Variants in ANKRD36 observed in about 807,000 individuals in gnomAD.
ANKRD36 encodes the protein ankyrin repeat domain 36, also known as ankyrin repeat domain-containing protein 36A.
In ANKRD36, 179 loss-of-function variants were observed where a neutral mutation model predicts 278.1. The ratio of observed to expected loss-of-function variants is 0.64; its 90% CI spans 0.57 to 0.73. The LOEUF (loss-of-function observed/expected upper bound fraction) is 0.73, where lower values mean the gene tolerates loss of function less well. Among genes scored for constraint, ANKRD36 ranks in the 30% least tolerant of loss-of-function variants. The pLI, the probability that ANKRD36 is intolerant of heterozygous loss-of-function variation, is 0.00. For synonymous variants in ANKRD36, 320 were observed against 641.1 expected (o/e 0.50, Z 7.57); for missense variants, 1,159 against 1,956.7 (o/e 0.59, Z 7.69).
intron 67 of ANKRD36, among the ~76,000 whole-genome samples, chr2:97,230,022 G>C (rs546422318): frequency 6.6e-6 from 1 of 152,076 alleles, no homozygotes; most frequent in Non-Finnish European, 1.5e-5. Flanking sequence ...TAGTCTGATG[G>C]GCTTCCCTTT....
At chr2:97,125,689 T>C (rs1048446547) in intron 5 of ANKRD36, among the ~76,000 whole-genome samples, 1 of 151,516 alleles carries the variant, frequency 6.6e-6, no homozygotes, top group Non-Finnish European at 1.5e-5. Context: ...CAACTTGTGG[T>C]TGGCCCCTCA....
At chr2:97,215,565 A>G in intron 62 of ANKRD36, 68 bp downstream of exon 62, 2 of 1,594,008 alleles carry the variant, frequency 1.3e-6, no homozygotes, top group East Asian at 2.3e-5. Context: ...CCCTAAATAA[A>G]TCAGCGGGGG....
Position 97,152,255 on chromosome 2 carries a change from G to T in ANKRD36, c.1163-249G>T, listed in dbSNP as rs112694961. Among the ~76,000 whole-genome samples, 8 of 120,670 alleles carry T rather than the reference G, an allele frequency of 6.6e-5. 1 individual carries two copies. Among genetic ancestry groups the T allele is most frequent in the Non-Finnish European group, 1.5e-4 (8 of 54,678 alleles). The allele number at this position is 120,670 out of a possible 152,430, so 79.2% of individuals were successfully genotyped here. On this transcript the variant is annotated intron_variant, in intron 13 of 75. Transcript: ENST00000420699. Reference sequence around the variant, plus strand: ...TGATTCCCCTGCCTAGGCCTCCCAAGCTGCTAGGATTACAGGCATGACCCA... The same window carrying T: ...TGATTCCCCTGCCTAGGCCTCCCAATCTGCTAGGATTACAGGCATGACCCA...
intron 67 of ANKRD36, 32 bp from the exon 68 acceptor site, chr2:97,233,698 G>A (rs1477975790): frequency 7.0e-7 from 1 of 1,436,794 alleles, no homozygotes; most frequent in East Asian, 2.6e-5. Context: ...ATATTTTGGG[G>A]ACATTTTGAA....
chr2:97,118,328 G>T lies in ANKRD36; in HGVS notation c.313-16G>T. ...ATTTTTCAGTATTTGCATGTTTCTC[G>T]GTCTAATACTGACAGGCTGTACAAC... On this transcript the variant is annotated splice_polypyrimidine_tract_variant and intron_variant, in intron 2 of 75. Transcript: ENST00000420699. 3 of 1,610,042 alleles carry T rather than the reference G, an allele frequency of 1.9e-6. No homozygotes were observed. Among genetic ancestry groups the T allele is most frequent in the African/African-American group, 1.3e-5 (1 of 74,830 alleles).
chr2:97,188,657 A>G (rs1476897904), intron 32 of ANKRD36, among the ~76,000 whole-genome samples: 1 of 89,962 alleles, frequency 1.1e-5, no homozygotes, highest in Admixed American at 9.8e-5. Flanking sequence ...GGGCAAGTTA[A>G]AGAGCATGAT....
intron 54 of ANKRD36, among the ~76,000 whole-genome samples, chr2:97,209,091 A>G (rs1370234595): frequency 6.8e-6 from 1 of 146,578 alleles, no homozygotes; most frequent in Non-Finnish European, 1.5e-5. Context: ...AAATTATTAC[A>G]CTACATGGGT....
chr2:97,209,651 G>A (rs760828276), intron 54 of ANKRD36, 30 bp from the exon 55 acceptor site: 4 of 1,583,232 alleles, frequency 2.5e-6, no homozygotes, highest in Non-Finnish European at 3.4e-6. Context: ...ATTTACATGT[G>A]AGTGATTATG....
intron 6 of ANKRD36, among the ~76,000 whole-genome samples, chr2:97,138,305 A>G (rs554189360): frequency 7.9e-5 from 12 of 152,126 alleles, no homozygotes; most frequent in Non-Finnish European, 1.5e-4. Flanking sequence ...CCAGTAATAG[A>G]GCACTAAATC....
rs1356708345 is a variant in ANKRD36 at position 97,156,310 on chromosome 2, G to A, written c.1260+1569G>A. ...ATGTATACATGTGCCATGCTGGTGC[G>A]CTGCACCCACTAACTCGTCATCTAG... On this transcript the variant is annotated intron_variant, in intron 15 of 75. Coordinates refer to ENST00000420699, the MANE Select transcript of ANKRD36 (RefSeq NM_001354587.1). Among the ~76,000 whole-genome samples the A allele has an allele frequency of 1.2e-4, 18 of 144,820 alleles. 3 individuals carry two copies. Among genetic ancestry groups the A allele is most frequent in the Non-Finnish European group, 2.8e-4 (18 of 64,094 alleles).
chr2:97,115,879 C>G (rs1038680539), intron 1 of ANKRD36, among the ~76,000 whole-genome samples: 5 of 149,476 alleles, frequency 3.3e-5, no homozygotes, highest in Non-Finnish European at 5.9e-5. Context: ...TTGGAAAACC[C>G]CTTATAATGG....
In ANKRD36 at chr2:97,198,646, A is replaced by G; in HGVS notation, c.2743A>G (p.Lys915Glu). 1 of 1,543,000 alleles carries G rather than the reference A, an allele frequency of 6.5e-7. No homozygotes were observed. The highest frequency in any genetic ancestry group is 1.2e-5 in the South Asian group (1 of 83,670). The change falls in exon 44 of 76, where the codon AAA becomes GAA. Residue 915 changes from lysine to glutamate, a missense_variant. Physicochemically the swap from Lys to Glu is moderately conservative, Grantham distance 56 (BLOSUM62 1). Coordinates refer to ENST00000420699, the MANE Select transcript of ANKRD36 (RefSeq NM_001354587.1). The part of the protein sequence containing the change: ...NIARGKKDGE[K>E]TKRVSSRKKP... ...AGCCAGAGGAAAAAAGGATGGAGAA[A>G]AAACTAAGAGAGGTAATTTTGAAAA... is the stretch of plus-strand genomic sequence containing the variant.
rs1463570254 is a variant in ANKRD36 at position 97,136,740 on chromosome 2, G to A, written c.800-5900G>A. Among the ~76,000 whole-genome samples, 3 of 151,978 alleles carry A rather than the reference G, an allele frequency of 2.0e-5. No individual in the cohort carries two copies. In the East Asian group the frequency reaches 5.8e-4, roughly 29 times the overall value. ...TGAATATGTGTTTTCTACACATACAGCAGATAAGGGGGACTGCTGTTCTAG... is the reference window on the plus strand; with the variant it reads ...TGAATATGTGTTTTCTACACATACAACAGATAAGGGGGACTGCTGTTCTAG... On this transcript the variant is annotated intron_variant, in intron 6 of 75. Coordinates refer to ENST00000420699, the MANE Select transcript of ANKRD36 (RefSeq NM_001354587.1).
chr2:97,213,146 A>C (rs528879364), intron 58 of ANKRD36: 1 of 356,476 alleles, frequency 2.8e-6, no homozygotes, highest in Non-Finnish European at 5.1e-6. Context: ...ATCACTTGGC[A>C]TATCCACATT....
intron 50 of ANKRD36, among the ~76,000 whole-genome samples, chr2:97,205,474 G>A (rs545055959): frequency 3.3e-5 from 5 of 151,298 alleles, no homozygotes; most frequent in Non-Finnish European, 5.9e-5. Context: ...AAGCATCATC[G>A]CAGTTGTGTG....
intron 42 of ANKRD36, among the ~76,000 whole-genome samples, chr2:97,197,409 G>T (rs1196707134): frequency 6.6e-6 from 1 of 151,924 alleles, no homozygotes; most frequent in East Asian, 1.9e-4. Context: ...AACCATTCTG[G>T]GATTGGCATA....
At chr2:97,190,724 G>A (rs62154807) in intron 34 of ANKRD36, among the ~76,000 whole-genome samples, 84,184 of 151,108 alleles carry the variant, frequency 0.56, 29,248 homozygotes, top group Non-Finnish European at 0.78. Flanking sequence ...ATATTGACAC[G>A]GTTTTATTTT....
chr2:97,229,538 C>G (rs1335490116), intron 67 of ANKRD36, among the ~76,000 whole-genome samples: 2 of 152,180 alleles, frequency 1.3e-5, no homozygotes, highest in East Asian at 3.9e-4. Flanking sequence ...TGTCTCTGCA[C>G]GTGAGATGGG....
chr2:97,165,494 C>A (rs76957124), intron 20 of ANKRD36, among the ~76,000 whole-genome samples: 1 of 84,948 alleles, frequency 1.2e-5, no homozygotes, highest in Non-Finnish European at 2.5e-5. Flanking sequence ...TCAGATACCC[C>A]GAGTATAGCT....
Sources: gnomAD v4.1 joint callset for allele counts (sites outside exome capture counted in the v4.1 genomes callset) on GRCh38, gnomAD v4.1.1 for gene constraint, MANE v1.5 for transcripts, NCBI Gene and HGNC (gene_info 2026-07-23, HGNC 2026-07-21) for gene names.